CDKL3: variants seen among roughly 807,000 people sequenced by gnomAD.
CDKL3 encodes the protein cyclin dependent kinase like 3.
A neutral mutation model predicts 69.3 loss-of-function variants in CDKL3; 65 were observed. The observed-to-expected ratio is 0.94, with a 90% CI of 0.77 to 1.15. The LOEUF is 1.15. Among genes scored for constraint, CDKL3 ranks in the 50% most tolerant of loss-of-function variants. The pLI, the probability that CDKL3 is intolerant of heterozygous loss-of-function variation, is 0.00. For missense variants in CDKL3, 652 were observed against 689.2 expected (o/e 0.95, Z 0.61); for synonymous variants, 202 against 221.6 (o/e 0.91, Z 0.79).
intron 3 of CDKL3, among the ~76,000 whole-genome samples, chr5:134,354,120 A>G (rs1014258306): frequency 6.6e-6 from 1 of 152,086 alleles, no homozygotes; most frequent in Non-Finnish European, 1.5e-5. Context: ...TGCTCCTTCT[A>G]TATGTTCACA....
chr5:134,364,808 CT>C (rs935770246), intron 2 of CDKL3, among the ~76,000 whole-genome samples: 27 of 135,992 alleles, frequency 2.0e-4, no homozygotes, highest in Admixed American at 7.5e-4. Flanking sequence ...CCACAGCGCC[CT>C]TTTTTTTTTT....
chr5:134,344,134 C>T (rs761402153), intron 4 of CDKL3, among the ~76,000 whole-genome samples: 3 of 152,160 alleles, frequency 2.0e-5, no homozygotes, highest in Non-Finnish European at 2.9e-5. Context: ...TACCTTATAG[C>T]ATATACAAAA....
intron 2 of CDKL3, among the ~76,000 whole-genome samples, chr5:134,360,599 G>A (rs1391866722): frequency 1.3e-5 from 2 of 152,024 alleles, no homozygotes; most frequent in African/African-American, 4.8e-5. Flanking sequence ...ATATTTATAG[G>A]ACAAAGTGAG....
chr5:134,346,723 T>A (rs1751980143), intron 4 of CDKL3, among the ~76,000 whole-genome samples: 1 of 152,168 alleles, frequency 6.6e-6, no homozygotes, highest in South Asian at 2.1e-4. Flanking sequence ...CTTGAACTGC[T>A]GACCTCAGGT....
rs185209274 is a variant in CDKL3, at chr5:134,300,669, T to A, written c.1719+1921A>T. 3.0e-3 allele frequency among the ~76,000 whole-genome samples: 452 copies of A among 152,160 alleles called. 2 individuals are homozygous for A. Among genetic ancestry groups the A allele is most frequent in the Non-Finnish European group, 4.4e-3 (296 of 68,000 alleles). On this transcript the variant is annotated intron_variant, in intron 12 of 12. Transcript: ENST00000265334. ...ACTGATGACTTCATTTTTTCTGGAG[T>A]TCTATATCATATGAACAAGAAGATG...
At chr5:134,347,897 G>A (rs1167235386) in intron 4 of CDKL3, among the ~76,000 whole-genome samples, 2 of 151,982 alleles carry the variant, frequency 1.3e-5, no homozygotes, top group Non-Finnish European at 2.9e-5. Flanking sequence ...AGTTACAGTG[G>A]GTACAGGGTT....
Position 134,322,674 on chromosome 5 carries a change from T to C in CDKL3, c.540-771A>G, listed in dbSNP as rs181944144. Among the ~76,000 whole-genome samples, 30 of 152,310 alleles carry C rather than the reference T, an allele frequency of 2.0e-4. No individual in the cohort carries two copies. The East Asian group carries it at 4.4e-3, about 23-fold the overall frequency. On this transcript the variant is annotated intron_variant, in intron 4 of 12. Coordinates refer to ENST00000265334, the MANE Select transcript of CDKL3 (RefSeq NM_001113575.2). Reference sequence around the variant, plus strand: ...TGTACAACCCCACAATAAAATATTATTCATCTGTTAAAAATGATGAGGTCT... The same window carrying C: ...TGTACAACCCCACAATAAAATATTACTCATCTGTTAAAAATGATGAGGTCT...
intron 5 of CDKL3, among the ~76,000 whole-genome samples, chr5:134,321,227 G>A (rs922709989): frequency 1.3e-5 from 2 of 151,806 alleles, no homozygotes; most frequent in African/African-American, 4.8e-5. Context: ...GGTCAGGTTG[G>A]TCTCCAACTC....
chr5:134,310,910 G>C (rs1769284889), intron 7 of CDKL3, among the ~76,000 whole-genome samples: 1 of 152,224 alleles, frequency 6.6e-6, no homozygotes, highest in African/African-American at 2.4e-5. Context: ...TCCAATAGCA[G>C]TTCCTGGACT....
At chr5:134,371,485 G>C, upstream of CDKL3, 1 of 1,385,262 alleles carries the variant, frequency 7.2e-7, no homozygotes, top group Non-Finnish European at 9.8e-7. Flanking sequence ...GGCGGCGGCG[G>C]CGGCGGCGGC....
At chr5:134,347,805 A>C (rs1333435685) in intron 4 of CDKL3, among the ~76,000 whole-genome samples, 3 of 152,142 alleles carry the variant, frequency 2.0e-5, no homozygotes, top group African/African-American at 7.2e-5. Context: ...ACTTATATGA[A>C]ATGTCCAGAA....
intron 3 of CDKL3, among the ~76,000 whole-genome samples, chr5:134,350,853 G>GAAAAAAAA (rs1753122103): frequency 6.7e-6 from 1 of 148,594 alleles, no homozygotes; most frequent in African/African-American, 2.5e-5. Flanking sequence ...AAGAAAAAAA[G>GAAAAAAAA]AAAGAAAAAA....
At chr5:134,307,780 A>C (rs1175365726) in intron 9 of CDKL3, among the ~76,000 whole-genome samples, 1 of 152,228 alleles carries the variant, frequency 6.6e-6, no homozygotes, top group Non-Finnish European at 1.5e-5. Flanking sequence ...CACTTAGAGA[A>C]TTTGCTATGA....
chr5:134,366,127 C>G (rs1474937008), intron 2 of CDKL3, among the ~76,000 whole-genome samples: 2 of 152,138 alleles, frequency 1.3e-5, no homozygotes, highest in African/African-American at 4.8e-5. Flanking sequence ...AAGTATTATA[C>G]TTGAATATTT....
downstream of CDKL3, among the ~76,000 whole-genome samples, chr5:134,295,355 A>G (rs1180961021): frequency 6.6e-6 from 1 of 152,122 alleles, no homozygotes; most frequent in Non-Finnish European, 1.5e-5. Context: ...ATTGATGCAT[A>G]GATTTAAAAC....
chr5:134,292,122 T>G (rs1765148229), intron 8 of CDKL3, among the ~76,000 whole-genome samples: 1 of 152,160 alleles, frequency 6.6e-6, no homozygotes, highest in Non-Finnish European at 1.5e-5. Flanking sequence ...ATCAACCAAC[T>G]TGACCTAATT....
chr5:134,357,259 C>T (rs1208027641), intron 3 of CDKL3, among the ~76,000 whole-genome samples: 2 of 151,994 alleles, frequency 1.3e-5, no homozygotes, highest in Admixed American at 1.3e-4. Context: ...GCCTGACCAA[C>T]ACGGTGAAAC....
chr5:134,352,841 T>C (rs1032273131), intron 3 of CDKL3, among the ~76,000 whole-genome samples: 1 of 152,216 alleles, frequency 6.6e-6, no homozygotes, highest in Non-Finnish European at 1.5e-5. Flanking sequence ...TTATTAGATG[T>C]ATGGTTTGCA....
chr5:134,366,860 G>T, intron 1 of CDKL3, 117 bp downstream of exon 1: 1 of 989,712 alleles, frequency 1.0e-6, no homozygotes, highest in Non-Finnish European at 1.2e-6. Flanking sequence ...TTCCTGTCAT[G>T]TTCCTGTCAA....
Sources: gnomAD v4.1 joint callset for allele counts (sites outside exome capture counted in the v4.1 genomes callset) on GRCh38, gnomAD v4.1.1 for gene constraint, MANE v1.5 for transcripts, NCBI Gene and HGNC (gene_info 2026-07-23, HGNC 2026-07-21) for gene names.